Variants in REPS2 observed in about 807,000 individuals in gnomAD.
REPS2 encodes RALBP1 associated Eps domain containing 2, also known as ralBP1-associated Eps domain-containing protein 2.
REPS2 carries 23 observed loss-of-function variants against 53.6 expected under a neutral mutation model. The observed-to-expected ratio is 0.43, with a 90% CI of 0.31 to 0.61. REPS2 has a LOEUF of 0.61. REPS2 is among the 20% of genes least tolerant of loss of function. The pLI, the probability that REPS2 is intolerant of heterozygous loss-of-function variation, is 0.11. For missense variants in REPS2, 446 were observed against 534.9 expected, an observed-to-expected ratio of 0.83 and a Z score of 1.64; for synonymous variants, 238 against 218.6, an observed-to-expected ratio of 1.09 and a Z score of -0.78.
chrX:16,989,853 C>A (rs2061140442), intron 1 of REPS2, among the ~76,000 whole-genome samples: 1 of 112,050 alleles, frequency 8.9e-6, no homozygotes, highest in African/African-American at 3.2e-5. Flanking sequence ...AATGATACAG[C>A]CCCTCTGAAA....
chrX:17,047,088 A>T (rs1393598070), intron 5 of REPS2, among the ~76,000 whole-genome samples: 1 of 111,919 alleles, frequency 8.9e-6, no homozygotes, highest in Non-Finnish European at 1.9e-5. Flanking sequence ...ACAATTAGAA[A>T]TTTTTTTGTC....
intron 15 of REPS2, 38 bp downstream of exon 15, chrX:17,133,945 G>A (rs367925275): frequency 3.6e-5 from 37 of 1,025,839 alleles, no homozygotes; most frequent in Non-Finnish European, 4.8e-5. Context: ...ATGGCGTTGC[G>A]AGTCCCACCC....
chrX:16,953,007 C>T (rs1442648040), intron 1 of REPS2, among the ~76,000 whole-genome samples: 5 of 109,487 alleles, frequency 4.6e-5, no homozygotes, highest in East Asian at 2.9e-4. Flanking sequence ...ACCGGAGAGG[C>T]GAAGGTTGCA....
intron 2 of REPS2, among the ~76,000 whole-genome samples, chrX:17,011,999 GCTT>G (rs2061435872): frequency 9.3e-6 from 1 of 107,233 alleles, no homozygotes; most frequent in African/African-American, 3.4e-5. Flanking sequence ...AAACATATAT[GCTT>G]CTTTATTAAT....
In REPS2 at chrX:16,996,786, A is replaced by C. The variant is rs750799479; in HGVS notation, c.274-9435A>C. Reference sequence around the variant, plus strand: ...CATGTTGAGGATCTATGTGTAATATACTGGTGTTCCATTTACTTGAAATAT... The same window carrying C: ...CATGTTGAGGATCTATGTGTAATATCCTGGTGTTCCATTTACTTGAAATAT... On this transcript the variant is annotated intron_variant, in intron 1 of 17. Transcript: ENST00000357277. Among the ~76,000 whole-genome samples the C allele has an allele frequency of 8.9e-5, 10 of 112,038 alleles. No individual in the cohort carries two copies. In the South Asian group the frequency reaches 3.7e-3, roughly 42 times the overall value.
chrX:16,965,260 G>A (rs1199188037), intron 1 of REPS2, among the ~76,000 whole-genome samples: 2 of 107,109 alleles, frequency 1.9e-5, no homozygotes, highest in East Asian at 3.1e-4. Flanking sequence ...CTGGCCGGGC[G>A]GGGGGCTGAT....
At chrX:17,082,334 T>C (rs1426293209) in intron 13 of REPS2, among the ~76,000 whole-genome samples, 1 of 112,771 alleles carries the variant, frequency 8.9e-6, no homozygotes, top group Non-Finnish European at 1.9e-5. Context: ...TAGACCTAGT[T>C]GCCAGGCAGC....
At chrX:17,184,516 T>C in the REPS2 span, among the ~76,000 whole-genome samples, 2 of 107,870 alleles carry the variant, frequency 1.9e-5, no homozygotes, top group Non-Finnish European at 3.8e-5. Context: ...TATAGCAGCA[T>C]GATTTATAGT....
Position 16,965,308 on chromosome X carries a change from C to T in REPS2, c.273+18174C>T, listed in dbSNP as rs1335038033. Among the ~76,000 whole-genome samples the T allele has an allele frequency of 8.3e-5, 9 of 107,948 alleles. No homozygotes were observed. The South Asian group carries it at 1.5e-3, about 18-fold the overall frequency. 93.7% of individuals were successfully genotyped at this position (107,948 alleles called of 115,157 possible). On this transcript the variant is annotated intron_variant, in intron 1 of 17. Transcript: ENST00000357277. The stretch of plus-strand genomic sequence containing the variant: ...CTCCCAGACGGGGCGGCTGGCCGGG[C>T]GGGGGGCTGACCCCCCCACCTCCCT...
Position 17,148,989 on chromosome X carries a change from T to C in REPS2, c.*1508T>C, listed in dbSNP as rs2063542694. On this transcript the variant is annotated 3_prime_UTR_variant, in exon 18 of 18. Coordinates refer to ENST00000357277, the MANE Select transcript of REPS2 (RefSeq NM_004726.3). ...ATTTATTTAATGTTTCCTTAGTCCATTGGCAAGCTTTATCAATAGCTTAAT... is the reference window on the plus strand; with the variant it reads ...ATTTATTTAATGTTTCCTTAGTCCACTGGCAAGCTTTATCAATAGCTTAAT... The C allele has an allele frequency of 2.7e-6, 1 of 373,571 alleles. No individual in the cohort carries two copies. The highest frequency in any genetic ancestry group is 2.5e-5 in the Admixed American group (1 of 39,325). 30.8% of individuals were successfully genotyped at this position (373,571 alleles called of 1,213,427 possible).
intron 1 of REPS2, among the ~76,000 whole-genome samples, chrX:16,958,348 C>T (rs2060622008): frequency 9.0e-6 from 1 of 111,595 alleles, no homozygotes; most frequent in Non-Finnish European, 1.9e-5. Context: ...GAACATAAGA[C>T]AGTCTAGGAT....
intron 1 of REPS2, among the ~76,000 whole-genome samples, chrX:16,996,374 C>G (rs1172862856): frequency 9.0e-6 from 1 of 111,537 alleles, no homozygotes; most frequent in Non-Finnish European, 1.9e-5. Flanking sequence ...CATGGTGATG[C>G]AGGGGACCTG....
chrX:17,038,055 C>T (rs1448896446), intron 5 of REPS2, among the ~76,000 whole-genome samples: 3 of 112,108 alleles, frequency 2.7e-5, no homozygotes, highest in Non-Finnish European at 5.6e-5. Flanking sequence ...TTTGGAAATA[C>T]TTAAGTGGCT....
downstream of REPS2, among the ~76,000 whole-genome samples, chrX:17,156,683 C>G (rs1271786742): frequency 9.0e-6 from 1 of 111,134 alleles, no homozygotes; most frequent in African/African-American, 3.3e-5. Context: ...TGCCTTCATC[C>G]CTGTGTTAGA....
At chrX:16,997,554 A>G (rs1047441044) in intron 1 of REPS2, among the ~76,000 whole-genome samples, 2 of 112,764 alleles carry the variant, frequency 1.8e-5, no homozygotes, top group African/African-American at 6.4e-5. Flanking sequence ...CAGCTTGGAA[A>G]GCCATAGTAT....
chrX:16,981,305 A>G (rs1034698885), intron 1 of REPS2, among the ~76,000 whole-genome samples: 1 of 111,894 alleles, frequency 8.9e-6, no homozygotes, highest in African/African-American at 3.2e-5. Flanking sequence ...TATCCATTAA[A>G]CTGTATCAGT....
intron 14 of REPS2, among the ~76,000 whole-genome samples, 184 bp downstream of exon 14, chrX:17,103,963 G>T (rs757061686): frequency 1.2e-4 from 13 of 111,350 alleles, no homozygotes; most frequent in Non-Finnish European, 2.4e-4. Flanking sequence ...GCCTCATGTG[G>T]AAGAGAGAAA....
At chrX:17,036,969 C>A (rs548047213) in intron 5 of REPS2, among the ~76,000 whole-genome samples, 1 of 110,593 alleles carries the variant, frequency 9.0e-6, no homozygotes, top group East Asian at 2.9e-4. Flanking sequence ...GAGACCCCAG[C>A]TGGACGTTTA....
chrX:16,974,448 C>G (rs1050958059), intron 1 of REPS2, among the ~76,000 whole-genome samples: 6 of 110,281 alleles, frequency 5.4e-5, no homozygotes, highest in Admixed American at 1.9e-4. Context: ...GAACTCGAGA[C>G]CAGCTTGGCC....
Sources: gnomAD v4.1 joint callset for allele counts (sites outside exome capture counted in the v4.1 genomes callset) on GRCh38, gnomAD v4.1.1 for gene constraint, MANE v1.5 for transcripts, NCBI Gene and HGNC (gene_info 2026-07-23, HGNC 2026-07-21) for gene names.